Variants in HMCN1 observed in about 807,000 individuals in gnomAD.
The protein encoded by HMCN1 is hemicentin-1.
Under a neutral mutation model 625.9 loss-of-function variants are expected in HMCN1, and 321 were observed. The ratio of observed to expected loss-of-function variants is 0.51; its 90% CI spans 0.47 to 0.56. The LOEUF (loss-of-function observed/expected upper bound fraction) is 0.56, where lower values mean the gene tolerates loss of function less well. Ranked by LOEUF, HMCN1 falls within the 20% of genes least tolerant of loss-of-function variation. The probability of loss-of-function intolerance (pLI) is 0.00; values close to 1 mark genes in which losing one functional copy is unlikely to be tolerated. For missense variants in HMCN1, 6,588 were observed against 6,887.3 expected (o/e 0.96, Z 1.54); for synonymous variants, 2,425 against 2,417.6 (o/e 1.00, Z -0.09).
chr1:186,006,348 C>T (rs2102090753), intron 29 of HMCN1, among the ~76,000 whole-genome samples: 1 of 152,116 alleles, frequency 6.6e-6, no homozygotes, highest in South Asian at 2.1e-4. Flanking sequence ...GTCATTGCAA[C>T]TTTTAAAAAA....
chr1:186,101,568 C>G (rs1329442856), intron 68 of HMCN1, among the ~76,000 whole-genome samples: 2 of 152,034 alleles, frequency 1.3e-5, no homozygotes, highest in Admixed American at 1.3e-4. Context: ...AACTCTTACT[C>G]TGCCCGAAGT....
At chr1:185,792,078 G>A (rs1354395395) in intron 1 of HMCN1, among the ~76,000 whole-genome samples, 1 of 152,108 alleles carries the variant, frequency 6.6e-6, no homozygotes, top group East Asian at 1.9e-4. Context: ...TCTGGAAAAG[G>A]AAAAAGACAT....
intron 1 of HMCN1, among the ~76,000 whole-genome samples, chr1:185,827,567 T>C (rs1171084606): frequency 6.6e-6 from 1 of 151,602 alleles, no homozygotes; most frequent in African/African-American, 2.4e-5. Flanking sequence ...GTGAGCAAAA[T>C]GAAAGAGAAA....
At chr1:186,017,142 G>C in intron 33 of HMCN1, 71 bp downstream of exon 33, 2 of 813,858 alleles carry the variant, frequency 2.5e-6, no homozygotes, top group Admixed American at 3.4e-5. Flanking sequence ...TATCTTGAAA[G>C]CTGTTCTGTA....
intron 54 of HMCN1, among the ~76,000 whole-genome samples, chr1:186,076,915 A>G (rs1658850686): frequency 6.6e-6 from 1 of 152,188 alleles, no homozygotes; most frequent in Non-Finnish European, 1.5e-5. Context: ...CAATAAGATA[A>G]TCAGTTTGGT....
At position 186,176,239 on chromosome 1, in the gene HMCN1, T is replaced by TG. The variant is rs1175986148; in HGVS notation, c.15943+1602dup. On this transcript the variant is annotated intron_variant, in intron 103 of 106. Coordinates refer to ENST00000271588, the MANE Select transcript of HMCN1 (RefSeq NM_031935.3). ...CCTTGTTTCCTTGATTTTAATCTGT[T>TG]GGGGGAAAATGTGCTTGGCTTGTTC... 2.0e-5 allele frequency among the ~76,000 whole-genome samples: 3 copies of TG among 152,234 alleles called. 1 individual carries two copies. Among genetic ancestry groups the TG allele is most frequent in the African/African-American group, 7.2e-5 (3 of 41,458 alleles).
chr1:185,967,939 G>C (rs565260312), intron 14 of HMCN1, among the ~76,000 whole-genome samples: 1 of 152,094 alleles, frequency 6.6e-6, no homozygotes, highest in Non-Finnish European at 1.5e-5. Flanking sequence ...AAGCACAAAT[G>C]CTCTCTTAAA....
At chr1:185,787,444 G>T (rs1021125751) in intron 1 of HMCN1, among the ~76,000 whole-genome samples, 4 of 152,126 alleles carry the variant, frequency 2.6e-5, no homozygotes, top group Non-Finnish European at 5.9e-5. Context: ...GCCCAGATAC[G>T]CCAGTTGACT....
chr1:185,735,276 C>G (rs1653480904), intron 1 of HMCN1, among the ~76,000 whole-genome samples: 1 of 152,134 alleles, frequency 6.6e-6, no homozygotes, highest in African/African-American at 2.4e-5. Flanking sequence ...GTACTGTGGT[C>G]CTCAAACCTG....
chr1:186,091,090 G>A (rs1279862157), intron 64 of HMCN1, among the ~76,000 whole-genome samples, 173 bp downstream of exon 64: 2 of 151,876 alleles, frequency 1.3e-5, no homozygotes, highest in Non-Finnish European at 2.9e-5. Context: ...AGACATTCTC[G>A]TTAGAGAGTC....
intron 1 of HMCN1, among the ~76,000 whole-genome samples, chr1:185,811,188 C>T (rs1659492813): frequency 1.3e-5 from 2 of 152,178 alleles, no homozygotes; most frequent in South Asian, 4.1e-4. Flanking sequence ...GAAAAAAAGT[C>T]ATTGTATGCT....
intron 4 of HMCN1, among the ~76,000 whole-genome samples, chr1:185,874,612 T>C (rs997625599): frequency 7.2e-5 from 11 of 151,998 alleles, no homozygotes; most frequent in African/African-American, 2.4e-4. Context: ...AAATTACAAA[T>C]GGCTTTCTCT....
chr1:185,779,570 G>T (rs1394824957), intron 1 of HMCN1, among the ~76,000 whole-genome samples: 1 of 152,210 alleles, frequency 6.6e-6, no homozygotes, highest in African/African-American at 2.4e-5. Context: ...CATATGGCTA[G>T]CCAGTTTTCC....
rs201751364 is a variant in HMCN1 at position 185,892,963 on chromosome 1, A to G, written c.622-16374A>G. Among the ~76,000 whole-genome samples, 219 of 151,048 alleles carry G rather than the reference A, an allele frequency of 1.4e-3. 3 individuals are homozygous for G. In the East Asian group the frequency reaches 0.017, roughly 12 times the overall value. On this transcript the variant is annotated intron_variant, in intron 4 of 106. Coordinates refer to ENST00000271588, the MANE Select transcript of HMCN1 (RefSeq NM_031935.3). ...GACTGCTGTGCTAGCAATCAGCGAG[A>G]CTCCGTGGGGTAGGACCCTCCAAGC...
In HMCN1 at chr1:186,088,702, T is replaced by C. The variant is rs1274997823; in HGVS notation, c.9674T>C (p.Ile3225Thr). 6.2e-7 allele frequency: 1 copy of C among 1,611,418 alleles called. No individual in the cohort carries two copies. The highest frequency in any genetic ancestry group is 1.7e-5 in the Admixed American group (1 of 59,750). The stretch of plus-strand genomic sequence containing the variant: ...TCAGATAGTGGAAACTATACATGTA[T>C]TGCTTCAAATATGGAGGGAAAAGCC... ...QHSDSGNYTC[I>T]ASNMEGKAQK... The change falls in exon 63 of 107, where the codon ATT becomes ACT. Residue 3225 changes from isoleucine (I) to threonine (T), a missense_variant. Physicochemically the swap from Ile to Thr is moderately conservative, Grantham distance 89 (BLOSUM62 -1). Coordinates refer to ENST00000271588, the MANE Select transcript of HMCN1 (RefSeq NM_031935.3).
chr1:186,099,140 A>G (rs546574640), intron 68 of HMCN1, among the ~76,000 whole-genome samples: 1 of 152,176 alleles, frequency 6.6e-6, no homozygotes, highest in South Asian at 2.1e-4. Flanking sequence ...ATCTCAGAGT[A>G]GCTAGTAGAG....
intron 4 of HMCN1, among the ~76,000 whole-genome samples, chr1:185,893,043 G>T (rs143815248): frequency 1.2e-4 from 19 of 152,144 alleles, no homozygotes; most frequent in African/African-American, 4.1e-4. Flanking sequence ...TCGGAAAAGC[G>T]CAGTATTCGG....
chr1:186,189,805 A>G lies in HMCN1; in HGVS notation c.16835A>G (p.Tyr5612Cys), dbSNP rs777457991. The G allele has an allele frequency of 4.3e-6, 7 of 1,613,822 alleles. No individual in the cohort carries two copies. The highest frequency in any genetic ancestry group is 1.7e-5 in the Admixed American group (1 of 59,998). The change falls in exon 107 of 107, where the codon TAC becomes TGC. Residue 5612 changes from tyrosine (Y) to cysteine (C), a missense_variant. This residue lies in a region of HMCN1 where 1,954 missense variants were observed against 2,013.1 expected (regional missense o/e 0.97). Transcript: ENST00000271588. ...TYRMRVRASS[Y>C]SANGTIEYQT... ...CGCATGAGGGTCCGAGCCTCATCCT[A>G]CAGTGCCAATGGGACCATTGAATAT...
At chr1:186,174,810 C>T (rs1258632185) in intron 103 of HMCN1, among the ~76,000 whole-genome samples, 168 bp downstream of exon 103, 2 of 152,170 alleles carry the variant, frequency 1.3e-5, no homozygotes, top group Non-Finnish European at 2.9e-5. Flanking sequence ...TCTTCAGAGA[C>T]TTCATATTGA....
Sources: gnomAD v4.1 joint callset for allele counts (sites outside exome capture counted in the v4.1 genomes callset) on GRCh38, gnomAD v4.1.1 for gene constraint, gnomAD v4.1.1 regional missense constraint, MANE v1.5 for transcripts, NCBI Gene and HGNC (gene_info 2026-07-23, HGNC 2026-07-21) for gene names.